KLHL1: variants seen among roughly 807,000 people sequenced by gnomAD.
KLHL1 encodes kelch-like protein 1.
KLHL1 carries 47 observed loss-of-function variants against 77.7 expected under a neutral mutation model. The ratio of observed to expected loss-of-function variants is 0.60; its 90% CI spans 0.48 to 0.77. The LOEUF is 0.77. Ranked by LOEUF, KLHL1 falls within the 30% of genes least tolerant of loss-of-function variation. KLHL1 has a pLI of 0.00. For missense variants in KLHL1, 925 were observed against 910.8 expected, an observed-to-expected ratio of 1.02 and a Z score of -0.20; for synonymous variants, 360 against 325.2, an observed-to-expected ratio of 1.11 and a Z score of -1.15.
intron 1 of KLHL1, among the ~76,000 whole-genome samples, chr13:70,034,274 A>T (rs1886186681): frequency 6.6e-6 from 1 of 152,238 alleles, no homozygotes; most frequent in Non-Finnish European, 1.5e-5. Flanking sequence ...CACACAACTG[A>T]CGAATTTTGA....
chr13:69,730,106 G>A (rs772674847), intron 8 of KLHL1, among the ~76,000 whole-genome samples: 1 of 152,014 alleles, frequency 6.6e-6, no homozygotes, highest in African/African-American at 2.4e-5. Flanking sequence ...AAGACTCTGC[G>A]TTAAATATTT....
At chr13:69,933,428 G>A (rs138973592) in intron 4 of KLHL1, among the ~76,000 whole-genome samples, 1 of 152,122 alleles carries the variant, frequency 6.6e-6, no homozygotes, top group East Asian at 1.9e-4. Context: ...TTATTAGCAG[G>A]GTTATTGGTC....
At chr13:69,926,029 T>G (rs1178448030) in intron 4 of KLHL1, among the ~76,000 whole-genome samples, 2 of 152,228 alleles carry the variant, frequency 1.3e-5, no homozygotes, top group African/African-American at 4.8e-5. Context: ...TTCAAGTCAG[T>G]CTATATAGCA....
At chr13:69,754,198 A>G (rs1171184329) in intron 7 of KLHL1, among the ~76,000 whole-genome samples, 1 of 152,114 alleles carries the variant, frequency 6.6e-6, no homozygotes, top group African/African-American at 2.4e-5. Context: ...AAATGATAGG[A>G]TTATTAATAA....
intron 1 of KLHL1, among the ~76,000 whole-genome samples, chr13:70,083,383 G>C (rs1318586294): frequency 6.6e-6 from 1 of 152,132 alleles, no homozygotes; most frequent in Non-Finnish European, 1.5e-5. Flanking sequence ...TGTTGCCCAA[G>C]ATGAACTAAC....
chr13:70,060,022 T>G (rs1886840289), intron 1 of KLHL1, among the ~76,000 whole-genome samples: 1 of 151,996 alleles, frequency 6.6e-6, no homozygotes, highest in African/African-American at 2.4e-5. Context: ...CCAAACCATA[T>G]CACTCTCCAT....
intron 4 of KLHL1, among the ~76,000 whole-genome samples, chr13:69,935,478 T>C (rs557331686): frequency 5.3e-5 from 8 of 151,868 alleles, no homozygotes; most frequent in Non-Finnish European, 1.2e-4. Flanking sequence ...AAACAAGGAC[T>C]CTAAAAAATA....
At chr13:70,053,141 TA>T (rs1886667299) in intron 1 of KLHL1, among the ~76,000 whole-genome samples, 2 of 151,978 alleles carry the variant, frequency 1.3e-5, no homozygotes, top group African/African-American at 4.8e-5. Flanking sequence ...AGTGTAGTCT[TA>T]AAAGAAACAT....
In KLHL1 at chr13:70,074,907, T is replaced by A. The variant is rs185388590; in HGVS notation, c.497+32296A>T. Reference sequence around the variant, plus strand: ...TGTAGACAAATTCCTATAATAATTTTAGTAAAAAATCAATATATGCTCCAG... The same window carrying A: ...TGTAGACAAATTCCTATAATAATTTAAGTAAAAAATCAATATATGCTCCAG... On this transcript the variant is annotated intron_variant, in intron 1 of 10. Transcript: ENST00000377844. 3.3e-5 allele frequency among the ~76,000 whole-genome samples: 5 copies of A among 152,164 alleles called. No individual in the cohort carries two copies. The East Asian group carries it at 9.7e-4, about 29-fold the overall frequency.
At chr13:69,906,627 G>C (rs1372509173) in intron 4 of KLHL1, among the ~76,000 whole-genome samples, 1 of 151,086 alleles carries the variant, frequency 6.6e-6, no homozygotes, top group African/African-American at 2.4e-5. Context: ...TTTTTATCTT[G>C]AATAACAATT....
intron 5 of KLHL1, among the ~76,000 whole-genome samples, chr13:69,872,003 C>T (rs1880605663): frequency 6.6e-6 from 1 of 152,172 alleles, no homozygotes; most frequent in Non-Finnish European, 1.5e-5. Flanking sequence ...GCAACACTGA[C>T]TCTCCGTATC....
rs551412668 is a variant in KLHL1 at position 70,004,448 on chromosome 13, G to A, written c.498-28646C>T. ...TTGGTCATGGAAACTGTCTTAGAAG[G>A]TTATAGCTTGATTCTATAGCAATTG... On this transcript the variant is annotated intron_variant, in intron 1 of 10. Coordinates refer to ENST00000377844, the MANE Select transcript of KLHL1 (RefSeq NM_020866.3). Among the ~76,000 whole-genome samples, 4 of 151,876 alleles carry A rather than the reference G, an allele frequency of 2.6e-5. No individual in the cohort carries two copies. In the East Asian group the frequency reaches 7.7e-4, roughly 29 times the overall value.
Position 70,107,271 on chromosome 13 carries a change from C to T in KLHL1, c.429G>A (p.Leu143=). The T allele has an allele frequency of 6.2e-7, 1 of 1,614,138 alleles. No homozygotes were observed. The highest frequency in any genetic ancestry group is 1.3e-5 in the African/African-American group (1 of 75,042). The change falls in exon 1 of 11, where the codon CTG becomes CTA. Residue 143 remains leucine (L), a synonymous_variant. Coordinates refer to ENST00000377844, the MANE Select transcript of KLHL1 (RefSeq NM_020866.3). ...GCTCCACTTTGAGCTCTTGCAGAAC[C>T]AGCCCTTTTTCGTGTGGTCCAGGAA... ...MDFPGPHEKG[L]VLQELKVEPD...
At chr13:69,771,483 A>C (rs1204625481) in intron 7 of KLHL1, among the ~76,000 whole-genome samples, 2 of 152,194 alleles carry the variant, frequency 1.3e-5, no homozygotes, top group Non-Finnish European at 2.9e-5. Context: ...TGTAAGGGCC[A>C]AGGTTAGAAA....
chr13:69,845,391 A>G (rs1394417484), intron 5 of KLHL1, among the ~76,000 whole-genome samples: 1 of 151,698 alleles, frequency 6.6e-6, no homozygotes, highest in East Asian at 1.9e-4. Context: ...AATCAAATAG[A>G]ATGAAAACTT....
intron 3 of KLHL1, among the ~76,000 whole-genome samples, chr13:69,957,942 T>C (rs1449267189): frequency 6.6e-6 from 1 of 151,878 alleles, no homozygotes; most frequent in Non-Finnish European, 1.5e-5. Flanking sequence ...ATTTCTGTGC[T>C]GTTACAATGT....
At chr13:69,895,127 TTA>T in intron 4 of KLHL1, 1 of 464,724 alleles carries the variant, frequency 2.2e-6, no homozygotes. Context: ...CATTTGTTCC[TTA>T]TATATAATGA....
chr13:69,998,298 G>T (rs1885206125), intron 1 of KLHL1, among the ~76,000 whole-genome samples: 1 of 152,026 alleles, frequency 6.6e-6, no homozygotes, highest in Admixed American at 6.6e-5. Context: ...TGATAGGAAT[G>T]ATCTATTGAT....
At chr13:69,804,977 T>C (rs528862105) in intron 6 of KLHL1, among the ~76,000 whole-genome samples, 1 of 152,090 alleles carries the variant, frequency 6.6e-6, no homozygotes, top group Non-Finnish European at 1.5e-5. Flanking sequence ...TTTCAATGTT[T>C]TATAGTGTAA....
Sources: allele counts gnomAD v4.1 joint callset (sites outside exome capture counted in the v4.1 genomes callset), GRCh38; gene constraint gnomAD v4.1.1; transcripts MANE v1.5; gene names NCBI Gene and HGNC (gene_info 2026-07-23, HGNC 2026-07-21).